ZNF536: variants seen among roughly 807,000 people sequenced by gnomAD.
The protein encoded by ZNF536 is zinc finger protein 536.
A neutral mutation model predicts 84.5 loss-of-function variants in ZNF536; 13 were observed. The ratio of observed to expected loss-of-function variants is 0.15; its 90% CI spans 0.10 to 0.24. The LOEUF is 0.24. Among genes scored for constraint, ZNF536 ranks in the 10% least tolerant of loss-of-function variants. The probability of loss-of-function intolerance (pLI) is 1.00; values close to 1 mark genes in which losing one functional copy is unlikely to be tolerated. For synonymous variants in ZNF536, 811 were observed against 742.5 expected, an observed-to-expected ratio of 1.09 and a Z score of -1.50; for missense variants, 1,536 against 1,747.5, an observed-to-expected ratio of 0.88 and a Z score of 2.16.
At chr19:30,691,031 G>T (rs1055395844) in intron 1 of ZNF536, among the ~76,000 whole-genome samples, 8 of 152,148 alleles carry the variant, frequency 5.3e-5, no homozygotes, top group African/African-American at 1.9e-4. Flanking sequence ...TGCTGCTTAC[G>T]GTCTGAGCTA....
At chr19:30,672,808 G>C (rs1163168892) in intron 1 of ZNF536, among the ~76,000 whole-genome samples, 2 of 152,170 alleles carry the variant, frequency 1.3e-5, no homozygotes, top group African/African-American at 4.8e-5. Flanking sequence ...GGAGGGAGTG[G>C]GGGGAGCAGA....
intron 1 of ZNF536, among the ~76,000 whole-genome samples, chr19:30,372,860 GA>G (rs2048663584): frequency 8.3e-6 from 1 of 120,964 alleles, no homozygotes; most frequent in African/African-American, 2.9e-5. Flanking sequence ...TGTACCAAAA[GA>G]TTTGAAAACA....
rs561846796 is a variant in ZNF536 at position 30,479,720 on chromosome 19, G to A, written c.2170+33988G>A. The stretch of plus-strand genomic sequence containing the variant: ...AAAAAGCAGTCCACGAGGCAGCCTC[G>A]GGACATGTGCCCTGCCACATCCCAG... On this transcript the variant is annotated intron_variant, in intron 2 of 4. Transcript: ENST00000355537. Among the ~76,000 whole-genome samples the A allele has an allele frequency of 1.3e-3, 194 of 152,298 alleles. 2 individuals are homozygous for A. Among genetic ancestry groups the A allele is most frequent in the African/African-American group, 4.1e-3 (172 of 41,554 alleles).
intron 1 of ZNF536, among the ~76,000 whole-genome samples, chr19:30,586,646 G>A (rs868173825): frequency 3.2e-4 from 49 of 152,298 alleles, no homozygotes; most frequent in Middle Eastern, 3.4e-3. Flanking sequence ...AAGCTGGTAA[G>A]CAATGAAGCA....
intron 1 of ZNF536, among the ~76,000 whole-genome samples, chr19:30,675,460 C>G (rs1395259369): frequency 6.6e-6 from 1 of 152,184 alleles, no homozygotes; most frequent in Non-Finnish European, 1.5e-5. Context: ...GCTGGTCCTA[C>G]TCTCAGGGCA....
chr19:30,461,799 C>T (rs1040756883), intron 2 of ZNF536, among the ~76,000 whole-genome samples: 3 of 152,188 alleles, frequency 2.0e-5, no homozygotes, highest in African/African-American at 7.2e-5. Context: ...TAGCCCGCAG[C>T]TCCGTGTGGG....
intron 1 of ZNF536, among the ~76,000 whole-genome samples, chr19:30,700,870 G>A (rs1600317128): frequency 6.6e-6 from 1 of 152,218 alleles, no homozygotes. Flanking sequence ...ATTTCAAGGA[G>A]TTCAGGCGGC....
chr19:30,498,434 G>C (rs2054809478), intron 2 of ZNF536, among the ~76,000 whole-genome samples: 1 of 152,036 alleles, frequency 6.6e-6, no homozygotes, highest in Non-Finnish European at 1.5e-5. Context: ...ACTGGGGCCT[G>C]TCAGGGAGTG....
chr19:30,451,991 A>G (rs1293708538), intron 2 of ZNF536, among the ~76,000 whole-genome samples: 1 of 152,206 alleles, frequency 6.6e-6, no homozygotes, highest in Non-Finnish European at 1.5e-5. Context: ...ATTTCCATTG[A>G]CTCGAATGGG....
In ZNF536 at chr19:30,600,488, G is replaced by A. The variant is rs566177190; in HGVS notation, c.169+50974G>A. 1.3e-4 allele frequency among the ~76,000 whole-genome samples: 20 copies of A among 152,272 alleles called. No individual in the cohort carries two copies. In the South Asian group the frequency reaches 2.1e-3, roughly 16 times the overall value. Reference sequence around the variant, plus strand: ...AGCTAAGGAGACAGGGCCCCCACAGGCTGACCGTTTCATGAATGTATCTAT... The same window carrying A: ...AGCTAAGGAGACAGGGCCCCCACAGACTGACCGTTTCATGAATGTATCTAT... On this transcript the variant is annotated intron_variant, in intron 1 of 1. Coordinates refer to the ZNF536 transcript ENST00000592773.
chr19:30,646,223 A>G (rs2049462968), intron 1 of ZNF536, among the ~76,000 whole-genome samples: 1 of 152,176 alleles, frequency 6.6e-6, no homozygotes, highest in Non-Finnish European at 1.5e-5. Context: ...AATGTGACTA[A>G]GGGGGCCTTT....
chr19:30,366,582 G>GTCTATCTATCTA (rs72156657), intron 3 of ZNF536, among the ~76,000 whole-genome samples: 21 of 148,138 alleles, frequency 1.4e-4, no homozygotes, highest in Non-Finnish European at 1.6e-4. Flanking sequence ...TCTATCATTT[G>GTCTATCTATCTA]TCTATCTATC....
chr19:30,555,276 T>C (rs1175905686), intron 4 of ZNF536: 1 of 152,166 alleles, frequency 6.6e-6, no homozygotes, highest in East Asian at 1.9e-4. Context: ...TCAGTTGAGT[T>C]TGCATGACGT....
At chr19:30,423,133 C>G (rs934809137) in intron 1 of ZNF536, among the ~76,000 whole-genome samples, 12 of 140,974 alleles carry the variant, frequency 8.5e-5, no homozygotes, top group Admixed American at 2.9e-4. Context: ...ATCCATCCAT[C>G]CATCCATCCA....
intron 1 of ZNF536, among the ~76,000 whole-genome samples, chr19:30,568,459 T>C (rs1481078302): frequency 6.6e-6 from 1 of 152,254 alleles, no homozygotes; most frequent in Non-Finnish European, 1.5e-5. Flanking sequence ...AGGATTTCTT[T>C]ACATTAAACT....
At chr19:30,571,228 G>A (rs191388618) in intron 1 of ZNF536, among the ~76,000 whole-genome samples, 7 of 152,230 alleles carry the variant, frequency 4.6e-5, no homozygotes, top group South Asian at 4.2e-4. Context: ...GGGCTGGTTC[G>A]CTCAAAAGTC....
chr19:30,662,238 C>T (rs2147594898), intron 1 of ZNF536, among the ~76,000 whole-genome samples: 1 of 152,296 alleles, frequency 6.6e-6, no homozygotes, highest in Admixed American at 6.5e-5. Flanking sequence ...ACTTTCTGTC[C>T]TGAAAAATGC....
intron 1 of ZNF536, among the ~76,000 whole-genome samples, chr19:30,697,129 A>G (rs974376484): frequency 2.0e-5 from 3 of 152,232 alleles, no homozygotes; most frequent in Non-Finnish European, 2.9e-5. Context: ...GGCAGGTGAG[A>G]GAGAGAGCAA....
intron 1 of ZNF536, among the ~76,000 whole-genome samples, chr19:30,247,045 C>G (rs1169906484): frequency 6.6e-6 from 1 of 152,220 alleles, no homozygotes; most frequent in Non-Finnish European, 1.5e-5. Context: ...GTTCTTCCAG[C>G]TTTCCGCTGG....
Sources: allele counts gnomAD v4.1 joint callset (sites outside exome capture counted in the v4.1 genomes callset), GRCh38; gene constraint gnomAD v4.1.1; transcripts MANE v1.5; gene names NCBI Gene and HGNC (gene_info 2026-07-23, HGNC 2026-07-21).